PRAMEF17: variants seen among roughly 807,000 people sequenced by gnomAD.
PRAMEF17 encodes PRAME family member 17.
A neutral mutation model predicts 36.8 loss-of-function variants in PRAMEF17; 48 were observed. The ratio of observed to expected loss-of-function variants is 1.30; its 90% CI spans 1.03 to 1.66. The LOEUF is 1.66. PRAMEF17 is among the 40% of genes most tolerant of loss of function. The pLI, the probability that PRAMEF17 is intolerant of heterozygous loss-of-function variation, is 0.00. For synonymous variants in PRAMEF17, 246 were observed against 220.4 expected (o/e 1.12, Z -1.03); for missense variants, 639 against 560.6 (o/e 1.14, Z -1.41).
Position 13,392,041 on chromosome 1 carries a change from C to T in PRAMEF17, c.964C>T (p.Leu322=), listed in dbSNP as rs1487004209. The T allele has an allele frequency of 1.2e-5, 20 of 1,611,768 alleles. No homozygotes were observed. The highest frequency in any genetic ancestry group is 5.5e-5 in the South Asian group (5 of 90,966). The change falls in exon 3 of 3, where the codon CTA becomes TTA. Residue 322 remains leucine, a synonymous_variant. Transcript: ENST00000376098. ...CLSQYPSLSQ[L]KELHLIHILM... ...GTCTCAGTACCCAAGCCTCAGTCAG[C>T]TAAAGGAGCTGCATCTGATTCATAT...
chr1:13,390,703 C>T lies in PRAMEF17; in HGVS notation c.650C>T (p.Ser217Phe). ...IQELEIKRKCSLNKTGKFAPY... is the reference protein window; with the variant it reads ...IQELEIKRKCFLNKTGKFAPY... The stretch of plus-strand genomic sequence containing the variant: ...GAGTTGGAAATTAAGAGAAAGTGCT[C>T]TCTGAATAAAACAGGAAAGTTTGCC... The change falls in exon 2 of 3, where the codon TCT (serine) becomes TTT (phenylalanine). Residue 217 changes from serine to phenylalanine, a missense_variant. Transcript: ENST00000376098. The T allele has an allele frequency of 6.2e-7, 1 of 1,611,970 alleles. No individual in the cohort carries two copies. The highest frequency in any genetic ancestry group is 8.5e-7 in the Non-Finnish European group (1 of 1,179,854).
chr1:13,390,864 A>T lies in PRAMEF17; in HGVS notation c.811A>T (p.Met271Leu), dbSNP rs1421790015. The change falls in exon 2 of 3, where the codon ATG becomes TTG. Residue 271 changes from methionine (M) to leucine (L), a missense_variant. By Grantham distance (15) the Met-to-Leu change is conservative (BLOSUM62 2). Coordinates refer to ENST00000376098, the MANE Select transcript of PRAMEF17 (RefSeq NM_001099851.3). ...ATTCCTCTGCCTGTACTACCCTCAG[A>T]TGCTTTATATAAGAAAGATCAGTAA... is the stretch of plus-strand genomic sequence containing the variant. ...CPFLCLYYPQ[M>L]LYIRKISNIK... The T allele has an allele frequency of 8.1e-6, 13 of 1,611,902 alleles. No individual in the cohort carries two copies. The African/African-American group carries it at 1.2e-4, about 15-fold the overall frequency.
chr1:13,391,974 A>G lies in PRAMEF17; in HGVS notation c.897A>G (p.Ile299Met), dbSNP rs1640890664. 6.2e-7 allele frequency: 1 copy of G among 1,611,444 alleles called. No individual in the cohort carries two copies. The highest frequency in any genetic ancestry group is 1.3e-5 in the African/African-American group (1 of 74,886). Residue 299 changes from isoleucine (I) to methionine (M), a missense_variant, in exon 3 of 3, where the codon ATA (isoleucine) becomes ATG (methionine). Physicochemically the swap from Ile to Met is conservative, Grantham distance 10. Transcript: ENST00000376098. ...RCLKNPLGTF[I>M]FCHAYLADQD... ...TCAAGAACCCCTTGGGAACCTTTAT[A>G]TTCTGTCATGCTTACCTAGCTGATC...
At chr1:13,391,531 A>T (rs1251331915) in intron 2 of PRAMEF17, among the ~76,000 whole-genome samples, 34 of 152,322 alleles carry the variant, frequency 2.2e-4, no homozygotes, top group African/African-American at 5.8e-4. Flanking sequence ...TGGTCCTAGC[A>T]GATGTCCCTA....
Position 13,390,854 on chromosome 1 carries a change from C to A in PRAMEF17, c.801C>A (p.Tyr267Ter), listed in dbSNP as rs1640871470. 7 of 1,611,916 alleles carry A rather than the reference C, an allele frequency of 4.3e-6. No individual in the cohort carries two copies. Among genetic ancestry groups the A allele is most frequent in the Non-Finnish European group, 5.9e-6 (7 of 1,179,882 alleles). ...PDLDCPFLCL[Y>*]YPQMLYIRKI... ...TGGACTGTCCATTCCTCTGCCTGTACTACCCTCAGATGCTTTATATAAGAA... is the reference window on the plus strand; with the variant it reads ...TGGACTGTCCATTCCTCTGCCTGTAATACCCTCAGATGCTTTATATAAGAA... The change falls in exon 2 of 3, where the codon TAC (tyrosine) becomes TAA (stop). Residue 267 changes from tyrosine (Y) to a stop codon, truncating the protein, a stop_gained. Transcript: ENST00000376098. LOFTEE classifies it high-confidence loss of function.
Position 13,390,156 on chromosome 1 carries a change from T to C in PRAMEF17, c.288-185T>C, listed in dbSNP as rs541665132. ...GAAACAGGAACCTGCTTCCTCCCAG[T>C]GGAAGGTAAAGGTTCTAGAAGTGAG... is the stretch of plus-strand genomic sequence containing the variant. On this transcript the variant is annotated intron_variant, in intron 1 of 2. Coordinates refer to ENST00000376098, the MANE Select transcript of PRAMEF17 (RefSeq NM_001099851.3). Among the ~76,000 whole-genome samples, 110 of 151,732 alleles carry C rather than the reference T, an allele frequency of 7.2e-4. 1 individual carries two copies. The highest frequency in any genetic ancestry group is 2.5e-3 in the African/African-American group (104 of 41,220).
chr1:13,392,494 T>G lies in PRAMEF17; in HGVS notation c.1417T>G (p.Cys473Gly). The change falls in exon 3 of 3, where the codon TGC (cysteine) becomes GGC (glycine). Residue 473 changes from cysteine to glycine, a missense_variant. Coordinates refer to ENST00000376098, the MANE Select transcript of PRAMEF17 (RefSeq NM_001099851.3). ...ATCTGAGAAAGTGGACTTCCATCTT[T>G]GCTCTTAGTGAAGGCCTGATTAGTG... ...WPSEKVDFHLCS is the reference protein window; with the variant it reads ...WPSEKVDFHLGS The G allele has an allele frequency of 6.2e-7, 1 of 1,612,060 alleles. No individual in the cohort carries two copies.
intron 2 of PRAMEF17, among the ~76,000 whole-genome samples, chr1:13,391,672 A>G (rs1043692988): frequency 2.6e-5 from 4 of 152,194 alleles, no homozygotes; most frequent in Non-Finnish European, 5.9e-5. Context: ...TCACACAAGC[A>G]AGGCTGAAAG....
chr1:13,391,795 G>T (rs1640886418), intron 2 of PRAMEF17, 149 bp from the exon 3 acceptor site: 2 of 1,226,416 alleles, frequency 1.6e-6, no homozygotes, highest in Admixed American at 2.0e-5. Flanking sequence ...AGTGAAACAG[G>T]CTTCCCCATT....
chr1:13,392,390 T>G lies in PRAMEF17; in HGVS notation c.1313T>G (p.Met438Arg). Reference sequence around the variant, plus strand: ...CTCGCCCCAATTCGGGCTGAGCTGATGTGTACACTCAGGGAAGTCAGGCAG... The same window carrying G: ...CTCGCCCCAATTCGGGCTGAGCTGAGGTGTACACTCAGGGAAGTCAGGCAG... ...EILAPIRAEL[M>R]CTLREVRQPK... Residue 438 changes from methionine (M) to arginine (R), a missense_variant, in exon 3 of 3, where the codon ATG (methionine) becomes AGG (arginine). Met to Arg is a moderately conservative substitution (Grantham distance 91). Transcript: ENST00000376098. The G allele has an allele frequency of 6.2e-7, 1 of 1,612,030 alleles. No individual in the cohort carries two copies. The highest frequency in any genetic ancestry group is 2.2e-5 in the East Asian group (1 of 44,876).
At position 13,389,826 on chromosome 1, in the gene PRAMEF17, C is replaced by T; in HGVS notation, c.169C>T (p.Gln57Ter). Reference protein sequence around the residue: ...RHFEALKLMVQAWPFLRLPLG... With the variant: ...RHFEALKLMV ...TTTTGAGGCCCTGAAGCTGATGGTG[C>T]AGGCCTGGCCCTTCCTCCGCCTCCC... The change falls in exon 1 of 3, where the codon CAG becomes TAG. Residue 57 changes from glutamine (Q) to a stop codon, truncating the protein, a stop_gained. Coordinates refer to ENST00000376098, the MANE Select transcript of PRAMEF17 (RefSeq NM_001099851.3). LOFTEE classifies it high-confidence loss of function. 6.2e-7 allele frequency: 1 copy of T among 1,613,574 alleles called. No individual in the cohort carries two copies. Among genetic ancestry groups the T allele is most frequent in the Non-Finnish European group, 8.5e-7 (1 of 1,180,042 alleles).
rs61753414 is a variant in PRAMEF17, at chr1:13,392,142, G to A, written c.1065G>A (p.Thr355=). ...EKVAATLEIL[T]LKDCQIQDSQ... is the part of the protein sequence containing the mutation. Reference sequence around the variant, plus strand: ...TTGCTGCTACTCTCGAGATCCTCACGTTAAAGGACTGTCAGATCCAGGACT... The same window carrying A: ...TTGCTGCTACTCTCGAGATCCTCACATTAAAGGACTGTCAGATCCAGGACT... The change falls in exon 3 of 3, where the codon ACG becomes ACA. Residue 355 remains threonine (T), a synonymous_variant. Transcript: ENST00000376098. 172,570 of 1,611,230 alleles carry A rather than the reference G, an allele frequency of 0.11. 10,160 individuals carry two copies. Among genetic ancestry groups the A allele is most frequent in the East Asian group, 0.19 (8,312 of 44,826 alleles).
Position 13,391,891 on chromosome 1 carries a change from C to A in PRAMEF17, c.867-53C>A. On this transcript the variant is annotated intron_variant, in intron 2 of 2. Coordinates refer to ENST00000376098, the MANE Select transcript of PRAMEF17 (RefSeq NM_001099851.3). ...GTTTACCATTGAGATGATTTCCCAC[C>A]CCCCTCCTCCAACTGGCACCATTGC... is the stretch of plus-strand genomic sequence containing the variant. 1.9e-6 allele frequency: 3 copies of A among 1,599,062 alleles called. 1 individual carries two copies. Among genetic ancestry groups the A allele is most frequent in the South Asian group, 2.2e-5 (2 of 89,796 alleles).
intron 1 of PRAMEF17, 136 bp downstream of exon 1, chr1:13,390,080 A>G: frequency 7.1e-7 from 1 of 1,416,160 alleles, no homozygotes; most frequent in Admixed American, 2.1e-5. Flanking sequence ...GACCTTGACC[A>G]TTGCCCAGAT....
In PRAMEF17 at chr1:13,389,934, C is replaced by G. The variant is rs2359312; in HGVS notation, c.277C>G (p.Leu93Val). Reference sequence around the variant, plus strand: ...ACTTGATACACTGCTGGCCCAGAAGCTTCGCCCCAGGTGAGGTGACTCAGG... The same window carrying G: ...ACTTGATACACTGCTGGCCCAGAAGGTTCGCCCCAGGTGAGGTGACTCAGG... ...KGLDTLLAQK[L>V]RPRRWKLQVL... Residue 93 changes from leucine to valine, a missense_variant, in exon 1 of 3, where the codon CTT (leucine) becomes GTT (valine). Coordinates refer to ENST00000376098, the MANE Select transcript of PRAMEF17 (RefSeq NM_001099851.3). 9 of 1,612,508 alleles carry G rather than the reference C, an allele frequency of 5.6e-6. No individual in the cohort carries two copies. The East Asian group carries it at 6.7e-5, about 12-fold the overall frequency.
chr1:13,390,339 A>G lies in PRAMEF17; in HGVS notation c.288-2A>G, dbSNP rs1640862500. On this transcript the variant is annotated splice_acceptor_variant, in intron 1 of 2. Transcript: ENST00000376098. LOFTEE classifies it high-confidence loss of function. ...TGAGCTTTTCCCCTATGTTACTCACAGGAGGTGGAAACTTCAAGTGCTGGA... is the reference window on the plus strand; with the variant it reads ...TGAGCTTTTCCCCTATGTTACTCACGGGAGGTGGAAACTTCAAGTGCTGGA... The G allele has an allele frequency of 6.2e-7, 1 of 1,611,986 alleles. No individual in the cohort carries two copies.
intron 2 of PRAMEF17, 136 bp downstream of exon 2, chr1:13,391,055 T>C (rs1420115116): frequency 7.5e-7 from 1 of 1,341,286 alleles, no homozygotes; most frequent in East Asian, 2.3e-5. Context: ...GAATGTCAAC[T>C]CATTATGCTG....
intron 2 of PRAMEF17, 68 bp downstream of exon 2, chr1:13,390,987 G>T (rs1467358897): frequency 1.2e-6 from 2 of 1,603,894 alleles, no homozygotes; most frequent in Non-Finnish European, 1.7e-6. Flanking sequence ...CACAGTAAAC[G>T]CTAGTGGGCA....
rs1640855932 is a variant in PRAMEF17 at position 13,389,825 on chromosome 1, G to A, written c.168G>A (p.Val56=). 4.3e-6 allele frequency: 7 copies of A among 1,613,546 alleles called. No individual in the cohort carries two copies. The highest frequency in any genetic ancestry group is 4.0e-5 in the African/African-American group (3 of 75,008). Residue 56 remains valine (V), a synonymous_variant, in exon 1 of 3, where the codon GTG becomes GTA. Coordinates refer to ENST00000376098, the MANE Select transcript of PRAMEF17 (RefSeq NM_001099851.3). ...MRHFEALKLM[V]QAWPFLRLPL... ...ATTTTGAGGCCCTGAAGCTGATGGTGCAGGCCTGGCCCTTCCTCCGCCTCC... is the reference window on the plus strand; with the variant it reads ...ATTTTGAGGCCCTGAAGCTGATGGTACAGGCCTGGCCCTTCCTCCGCCTCC...
Sources: gnomAD v4.1 joint callset for allele counts (sites outside exome capture counted in the v4.1 genomes callset) on GRCh38, gnomAD v4.1.1 for gene constraint, MANE v1.5 for transcripts, NCBI Gene and HGNC (gene_info 2026-07-23, HGNC 2026-07-21) for gene names.